DDX54: variants seen among roughly 807,000 people sequenced by gnomAD.
The protein encoded by DDX54 is ATP-dependent RNA helicase DDX54.
DDX54 carries 67 observed loss-of-function variants against 105.5 expected under a neutral mutation model. The ratio of observed to expected loss-of-function variants is 0.64; its 90% CI spans 0.52 to 0.78. DDX54 has a LOEUF of 0.78. Ranked by LOEUF, DDX54 falls within the 30% of genes least tolerant of loss-of-function variation. The pLI is 0.00. For synonymous variants in DDX54, 514 were observed against 509.9 expected, an observed-to-expected ratio of 1.01 and a Z score of -0.11; for missense variants, 1,206 against 1,230.5, an observed-to-expected ratio of 0.98 and a Z score of 0.30.
chr12:113,168,195 T>C (rs1952298250), intron 12 of DDX54, among the ~76,000 whole-genome samples: 3 of 152,222 alleles, frequency 2.0e-5, no homozygotes, highest in Admixed American at 1.3e-4. Context: ...GCTGGGACAC[T>C]GCAGGGCCAC....
At chr12:113,173,420 A>C (rs1380823670) in intron 10 of DDX54, among the ~76,000 whole-genome samples, 1 of 152,194 alleles carries the variant, frequency 6.6e-6, no homozygotes, top group African/African-American at 2.4e-5. Context: ...GCAGCTGCAC[A>C]GAGGGAGTGT....
rs1261169443 is a variant in DDX54 at position 113,157,586 on chromosome 12, TG to T, written c.*1290del. 6.4e-7 allele frequency: 1 copy of T among 1,551,348 alleles called. No homozygotes were observed. The highest frequency in any genetic ancestry group is 1.4e-5 in the African/African-American group (1 of 73,186). ...ACTCTGGGGCTGGGATGTGACTTCG[TG>T]CTGGGCCCCCCCAGGTGAAGCTGTT... is the stretch of plus-strand genomic sequence containing the variant. On this transcript the variant is annotated 3_prime_UTR_variant, in exon 20 of 20. Coordinates refer to ENST00000306014, the MANE Select transcript of DDX54 (RefSeq NM_024072.4).
At chr12:113,165,497 CCCTGCTGGGGT>C (rs1185473011) in intron 14 of DDX54, 136 bp downstream of exon 14, 5 of 814,218 alleles carry the variant, frequency 6.1e-6, no homozygotes, top group Non-Finnish European at 9.2e-6. Flanking sequence ...AGATGAAAAT[CCCTGCTGGGGT>C]CCTGCTGGGG....
rs981519365 is a variant in DDX54 at position 113,160,163 on chromosome 12, G to A, written c.2414-1054C>T. Among the ~76,000 whole-genome samples, 29 of 152,342 alleles carry A rather than the reference G, an allele frequency of 1.9e-4. 1 individual carries two copies. The highest frequency in any genetic ancestry group is 3.4e-3 in the Middle Eastern group (1 of 294). On this transcript the variant is annotated intron_variant, in intron 19 of 19. Transcript: ENST00000306014. ...CCCCACCCAGCCATGCTGACAAGGAGACACTCCCACAGATGGGAGAGCTGG... is the reference window on the plus strand; with the variant it reads ...CCCCACCCAGCCATGCTGACAAGGAAACACTCCCACAGATGGGAGAGCTGG...
chr12:113,173,908 C>T (rs1202968941), intron 10 of DDX54, among the ~76,000 whole-genome samples: 1 of 152,136 alleles, frequency 6.6e-6, no homozygotes, highest in African/African-American at 2.4e-5. Context: ...TTAGGCCAGG[C>T]GCTGTGGCTT....
chr12:113,160,067 C>T lies in DDX54; in HGVS notation c.2414-958G>A, dbSNP rs147214691. Among the ~76,000 whole-genome samples the T allele has an allele frequency of 6.6e-5, 10 of 152,350 alleles. No homozygotes were observed. The South Asian group carries it at 1.7e-3, about 25-fold the overall frequency. On this transcript the variant is annotated intron_variant, in intron 19 of 19. Coordinates refer to ENST00000306014, the MANE Select transcript of DDX54 (RefSeq NM_024072.4). The stretch of plus-strand genomic sequence containing the variant: ...CCCCAGCCCCTGCACGCCCACTGCA[C>T]GGCAATGCTCGCAGCAGAAGCTGCT...
chr12:113,172,267 A>T lies in DDX54; in HGVS notation c.1279+86T>A, dbSNP rs368795098. 16 of 1,434,662 alleles carry T rather than the reference A, an allele frequency of 1.1e-5. No individual in the cohort carries two copies. In the African/African-American group the frequency reaches 2.3e-4, roughly 20 times the overall value. The allele number at this position is 1,434,662 out of a possible 1,614,324, so 88.9% of individuals were successfully genotyped here. A position where few individuals can be genotyped will look rare whatever the true frequency, so the allele number is the denominator to read the frequency against. On this transcript the variant is annotated intron_variant, in intron 11 of 19. Transcript: ENST00000306014. ...CAAGGCCCACAGCCACCCCATGTGC[A>T]GTGTCAAGAGTTAAGCCTTGTACCC... is the stretch of plus-strand genomic sequence containing the variant.
At chr12:113,176,374 C>T (rs1025098173) in intron 7 of DDX54, among the ~76,000 whole-genome samples, 2 of 152,172 alleles carry the variant, frequency 1.3e-5, no homozygotes, top group Non-Finnish European at 2.9e-5. Context: ...TTAAGACCAG[C>T]CTGGCCAATA....
chr12:113,160,640 G>T (rs938347169), intron 19 of DDX54, among the ~76,000 whole-genome samples: 1 of 152,146 alleles, frequency 6.6e-6, no homozygotes, highest in African/African-American at 2.4e-5. Context: ...GTCCTCAGAT[G>T]ACCAAATGTA....
At chr12:113,177,929 G>A (rs910538773) in intron 5 of DDX54, among the ~76,000 whole-genome samples, 2 of 152,204 alleles carry the variant, frequency 1.3e-5, no homozygotes, top group Non-Finnish European at 2.9e-5. Context: ...CTCGATTCCT[G>A]TGCTTTCTGC....
At chr12:113,169,058 C>T (rs1952306227) in intron 12 of DDX54, among the ~76,000 whole-genome samples, 1 of 151,874 alleles carries the variant, frequency 6.6e-6, no homozygotes, top group Admixed American at 6.6e-5. Context: ...AGGGGCTGGG[C>T]AGGCCACACT....
chr12:113,169,706 C>T, intron 12 of DDX54, 64 bp downstream of exon 12: 2 of 1,567,850 alleles, frequency 1.3e-6, no homozygotes, highest in Admixed American at 3.8e-5. Flanking sequence ...CTACCTCCTC[C>T]CACAGCCAAA....
At chr12:113,167,982 G>A in intron 12 of DDX54, 1 of 499,896 alleles carries the variant, frequency 2.0e-6, no homozygotes, top group South Asian at 1.4e-5. Flanking sequence ...TCTCAGCTTT[G>A]CCCCCAGGAA....
intron 17 of DDX54, 121 bp downstream of exon 17, chr12:113,162,811 C>G (rs1361578871): frequency 4.2e-6 from 4 of 960,950 alleles, no homozygotes; most frequent in Non-Finnish European, 6.0e-6. Flanking sequence ...GGCTCACTCA[C>G]TCACTCACCC....
rs1340964731 is a variant in DDX54 at position 113,157,656 on chromosome 12, G to A, written c.*1221C>T. The A allele has an allele frequency of 2.6e-6, 4 of 1,551,618 alleles. No individual in the cohort carries two copies. The South Asian group carries it at 4.8e-5, about 18-fold the overall frequency. ...CATGCTGGCCGGCCTGGGTCAGGCTGAGCCTGCAGCCCCTGCCTCCTAGCC... is the reference window on the plus strand; with the variant it reads ...CATGCTGGCCGGCCTGGGTCAGGCTAAGCCTGCAGCCCCTGCCTCCTAGCC... On this transcript the variant is annotated 3_prime_UTR_variant, in exon 20 of 20. Transcript: ENST00000306014.
Position 113,179,275 on chromosome 12 carries a change from A to G in DDX54, c.432T>C (p.Ser144=), listed in dbSNP as rs1205294048. 6.2e-7 allele frequency: 1 copy of G among 1,614,040 alleles called. No individual in the cohort carries two copies. Among genetic ancestry groups the G allele is most frequent in the South Asian group, 1.1e-5 (1 of 91,082 alleles). Residue 144 remains serine, a synonymous_variant, in exon 4 of 20, where the codon AGT becomes AGC. Coordinates refer to ENST00000306014, the MANE Select transcript of DDX54 (RefSeq NM_024072.4). The stretch of plus-strand genomic sequence containing the variant: ...GGAGGAGGAAGCAGGCTGTCTTGCC[A>G]CTGCCCGTCCGGGCCATGGCCACCA... The part of the protein sequence containing the change: ...KDVVAMARTG[S]GKTACFLLPM...
rs1408150530 is a variant in DDX54 at position 113,157,389 on chromosome 12, A to C, written c.*1488T>G. Reference sequence around the variant, plus strand: ...GAGGAAGCTGTGAAGGTGTCTGCTCACGCAGCAGTTGGGAAGGTTGGCCTG... The same window carrying C: ...GAGGAAGCTGTGAAGGTGTCTGCTCCCGCAGCAGTTGGGAAGGTTGGCCTG... On this transcript the variant is annotated 3_prime_UTR_variant, in exon 20 of 20. Transcript: ENST00000306014. 1 of 586,990 alleles carries C rather than the reference A, an allele frequency of 1.7e-6. No homozygotes were observed. 36.4% of individuals were successfully genotyped at this position (586,990 alleles called of 1,614,324 possible). A position where few individuals can be genotyped will look rare whatever the true frequency, so the allele number is the denominator to read the frequency against.
Position 113,174,938 on chromosome 12 carries a change from T to C in DDX54, c.875-2A>G. ...GGATGAGCACGGGCTCCGTGAGGCC[T>C]GCAGGAGACATGGGGGAAAGTGGGG... On this transcript the variant is annotated splice_acceptor_variant, in intron 8 of 19. Transcript: ENST00000306014. LOFTEE classifies it high-confidence loss of function. 6.2e-7 allele frequency: 1 copy of C among 1,613,112 alleles called. No homozygotes were observed. Among genetic ancestry groups the C allele is most frequent in the Non-Finnish European group, 8.5e-7 (1 of 1,179,604 alleles).
chr12:113,159,664 C>A (rs1952181326), intron 19 of DDX54, among the ~76,000 whole-genome samples: 1 of 151,538 alleles, frequency 6.6e-6, no homozygotes, highest in Non-Finnish European at 1.5e-5. Context: ...GTAGATGAAC[C>A]TTCCTTTAGG....
Sources: gnomAD v4.1 joint callset for allele counts (sites outside exome capture counted in the v4.1 genomes callset) on GRCh38, gnomAD v4.1.1 for gene constraint, MANE v1.5 for transcripts, NCBI Gene and HGNC (gene_info 2026-07-23, HGNC 2026-07-21) for gene names.